The following WWC2 variants were observed in gnomAD, a reference collection of about 807,000 sequenced individuals.
WWC2 encodes protein WWC2.
In WWC2, 101 loss-of-function variants were observed where a neutral mutation model predicts 138.5. That is an observed-to-expected ratio of 0.73 (90% CI 0.62 to 0.86). WWC2 has a LOEUF of 0.86. Ranked by LOEUF, WWC2 falls within the 40% of genes least tolerant of loss-of-function variation. The pLI is 0.00. For synonymous variants in WWC2, 558 were observed against 538.4 expected (o/e 1.04, Z -0.50); for missense variants, 1,420 against 1,419.4 (o/e 1.00, Z -0.01).
At chr4:183,122,065 G>A (rs917867586) in intron 1 of WWC2, among the ~76,000 whole-genome samples, 7 of 151,684 alleles carry the variant, frequency 4.6e-5, no homozygotes, top group Non-Finnish European at 1.0e-4. Flanking sequence ...GATTACAGGC[G>A]TGAGCCACCA....
chr4:183,127,859 G>C (rs1447822694), intron 1 of WWC2, among the ~76,000 whole-genome samples: 1 of 152,040 alleles, frequency 6.6e-6, no homozygotes, highest in Non-Finnish European at 1.5e-5. Flanking sequence ...AATTATATAA[G>C]AGCTTTTTAC....
intron 1 of WWC2, among the ~76,000 whole-genome samples, chr4:183,148,976 C>T (rs186717340): frequency 3.3e-5 from 5 of 151,782 alleles, no homozygotes; most frequent in South Asian, 2.1e-4. Context: ...TAGGGAAGGG[C>T]CTTATTTACT....
At position 183,288,071 on chromosome 4, in the gene WWC2, ATG is replaced by A. The variant is rs1213433133; in HGVS notation, c.3142-1316_3142-1315del. ...AAAGTAAGTAATACAGTCAAAGATA[ATG>A]TGTGTCTAGATGATTCTTACTGTGT... On this transcript the variant is annotated intron_variant, in intron 20 of 22. Coordinates refer to ENST00000403733, the MANE Select transcript of WWC2 (RefSeq NM_024949.6). 9.8e-5 allele frequency among the ~76,000 whole-genome samples: 15 copies of A among 152,312 alleles called. No homozygotes were observed. In the East Asian group the frequency reaches 1.9e-3, roughly 20 times the overall value.
intron 21 of WWC2, among the ~76,000 whole-genome samples, chr4:183,292,126 G>A (rs1287988047): frequency 6.6e-6 from 1 of 152,116 alleles, no homozygotes; most frequent in African/African-American, 2.4e-5. Flanking sequence ...AGCCCAGGAG[G>A]TAGAGGCTGC....
intron 10 of WWC2, among the ~76,000 whole-genome samples, chr4:183,260,504 A>T (rs1560872203): frequency 6.6e-6 from 1 of 152,184 alleles, no homozygotes. Flanking sequence ...CTGTATTTTT[A>T]CTGTGCTTTT....
rs528822969 is a variant in WWC2, at chr4:183,312,476, G to A, written c.3512+8G>A. 1.2e-6 allele frequency: 2 copies of A among 1,613,162 alleles called. No individual in the cohort carries two copies. Among genetic ancestry groups the A allele is most frequent in the East Asian group, 4.5e-5 (2 of 44,852 alleles). Reference sequence around the variant, plus strand: ...GCAGGTGCAGTCCTTCAGGTGAATAGCCCCATCCAGGACAGCTTTTGGGTT... The same window carrying A: ...GCAGGTGCAGTCCTTCAGGTGAATAACCCCATCCAGGACAGCTTTTGGGTT... On this transcript the variant is annotated splice_region_variant and intron_variant, in intron 22 of 22. Transcript: ENST00000403733.
chr4:183,305,021 A>G (rs1738977191), intron 21 of WWC2, among the ~76,000 whole-genome samples: 1 of 152,218 alleles, frequency 6.6e-6, no homozygotes, highest in Non-Finnish European at 1.5e-5. Context: ...GCAATATGCC[A>G]GAACAGATGG....
At chr4:183,113,521 CGCGT>C (rs1438957351) in intron 1 of WWC2, among the ~76,000 whole-genome samples, 5 of 146,546 alleles carry the variant, frequency 3.4e-5, no homozygotes, top group African/African-American at 1.0e-4. Context: ...TGTGTGCGCG[CGCGT>C]GCGCGCGCAC....
intron 1 of WWC2, among the ~76,000 whole-genome samples, chr4:183,116,303 C>T (rs1479348597): frequency 6.6e-6 from 1 of 152,156 alleles, no homozygotes; most frequent in African/African-American, 2.4e-5. Flanking sequence ...GAGCCCTTCA[C>T]ATATTTATCT....
At chr4:183,292,815 A>G (rs1405005129) in intron 21 of WWC2, among the ~76,000 whole-genome samples, 1 of 152,226 alleles carries the variant, frequency 6.6e-6, no homozygotes, top group Non-Finnish European at 1.5e-5. Flanking sequence ...TCAAAAGGAA[A>G]ATCGCAGGCC....
At chr4:183,203,305 T>C (rs1735353080) in intron 2 of WWC2, among the ~76,000 whole-genome samples, 1 of 152,050 alleles carries the variant, frequency 6.6e-6, no homozygotes. Context: ...TTTTCCTGTT[T>C]AGTTTTTCAC....
chr4:183,119,858 G>A (rs1579956628), intron 1 of WWC2, among the ~76,000 whole-genome samples: 2 of 152,150 alleles, frequency 1.3e-5, no homozygotes, highest in East Asian at 1.9e-4. Flanking sequence ...TTCTTTCCAC[G>A]ATTTTCATTT....
intron 16 of WWC2, among the ~76,000 whole-genome samples, chr4:183,271,873 G>T (rs1737705208): frequency 6.6e-6 from 1 of 152,118 alleles, no homozygotes; most frequent in South Asian, 2.1e-4. Context: ...GGGTGCAGTG[G>T]TGCACGCCTG....
In WWC2 at chr4:183,283,402, T is replaced by C. The variant is rs548546115; in HGVS notation, c.2883+496T>C. Among the ~76,000 whole-genome samples the C allele has an allele frequency of 5.9e-5, 9 of 152,218 alleles. No homozygotes were observed. In the South Asian group the frequency reaches 1.9e-3, roughly 32 times the overall value. On this transcript the variant is annotated intron_variant, in intron 18 of 22. Coordinates refer to ENST00000403733, the MANE Select transcript of WWC2 (RefSeq NM_024949.6). ...CTTTGCTAGTTAAGTGAGAGATGTA[T>C]TGAGACTGTCAACCCCATATGGGGA...
intron 1 of WWC2, among the ~76,000 whole-genome samples, chr4:183,173,520 A>G (rs1219365074): frequency 6.6e-6 from 1 of 151,952 alleles, no homozygotes; most frequent in African/African-American, 2.4e-5. Context: ...CGTTTGAGAT[A>G]AGTAATACCA....
chr4:183,299,776 T>C (rs1259531831), intron 21 of WWC2, among the ~76,000 whole-genome samples: 1 of 152,150 alleles, frequency 6.6e-6, no homozygotes, highest in East Asian at 1.9e-4. Context: ...CCCTGTGGTA[T>C]TGGGGATTTG....
chr4:183,283,055 C>G (rs761585418), intron 18 of WWC2, 149 bp downstream of exon 18: 3 of 717,528 alleles, frequency 4.2e-6, no homozygotes, highest in South Asian at 5.8e-5. Context: ...GGAATAGGCT[C>G]TAAGAAGCAT....
chr4:183,127,368 T>C (rs747442499), intron 1 of WWC2, among the ~76,000 whole-genome samples: 24 of 152,062 alleles, frequency 1.6e-4, no homozygotes, highest in Admixed American at 1.3e-4. Flanking sequence ...TTATACTAAG[T>C]GAAATAAGCC....
intron 1 of WWC2, among the ~76,000 whole-genome samples, chr4:183,111,058 T>A (rs1387748118): frequency 1.3e-5 from 2 of 152,054 alleles, no homozygotes; most frequent in African/African-American, 2.4e-5. Flanking sequence ...GCTAACATGG[T>A]GAAACCCCAT....
Sources: allele counts gnomAD v4.1 joint callset (sites outside exome capture counted in the v4.1 genomes callset), GRCh38; gene constraint gnomAD v4.1.1; transcripts MANE v1.5; gene names NCBI Gene and HGNC (gene_info 2026-07-23, HGNC 2026-07-21).